Variants in CHD9NB observed in about 807,000 individuals in gnomAD.
CHD9NB encodes CHD9 neighbor protein.
chr16:53,041,926 C>T, the CHD9NB span, among the ~76,000 whole-genome samples: 1 of 152,220 alleles, frequency 6.6e-6, no homozygotes, highest in South Asian at 2.1e-4. Flanking sequence ...TGGGACAGGG[C>T]AGGGCTTTGG....
chr16:53,039,458 A>T, the CHD9NB span, among the ~76,000 whole-genome samples: 7 of 152,326 alleles, frequency 4.6e-5, no homozygotes, highest in East Asian at 1.4e-3. Context: ...TTAAAAGTTC[A>T]AAGAAGGCTG....
At chr16:53,048,112 A>C in the CHD9NB span, among the ~76,000 whole-genome samples, 1 of 152,196 alleles carries the variant, frequency 6.6e-6, no homozygotes, top group Non-Finnish European at 1.5e-5. Context: ...CTGTTTATTA[A>C]GAAAATTTGG....
the CHD9NB span, among the ~76,000 whole-genome samples, chr16:53,038,087 A>C: frequency 6.6e-6 from 1 of 152,176 alleles, no homozygotes; most frequent in East Asian, 1.9e-4. Context: ...GGAGTCTGAA[A>C]ATCCCAGAAC....
At chr16:53,047,135 C>T in the CHD9NB span, 1 of 151,840 alleles carries the variant, frequency 6.6e-6, no homozygotes, top group East Asian at 1.9e-4. Flanking sequence ...ACATAGCAAA[C>T]ATGCACACGC....
At chr16:53,037,169 C>G in the CHD9NB span, among the ~76,000 whole-genome samples, 1 of 152,164 alleles carries the variant, frequency 6.6e-6, no homozygotes, top group Non-Finnish European at 1.5e-5. Context: ...CTCCTGACCT[C>G]ATGATCCACC....
At chr16:53,037,626 G>T in the CHD9NB span, among the ~76,000 whole-genome samples, 2 of 152,234 alleles carry the variant, frequency 1.3e-5, no homozygotes, top group African/African-American at 2.4e-5. Flanking sequence ...GGTTAATGGA[G>T]CTGTAATTTT....
chr16:53,047,066 G>T, the CHD9NB span: 1 of 152,178 alleles, frequency 6.6e-6, no homozygotes, highest in South Asian at 2.1e-4. Flanking sequence ...GACCTCAGTA[G>T]ATCACATTTT....
chr16:53,048,020 G>GAGGGAAGGGA, the CHD9NB span, among the ~76,000 whole-genome samples: 1 of 136,612 alleles, frequency 7.3e-6, no homozygotes, highest in Non-Finnish European at 1.6e-5. Context: ...GGAAGGGAGG[G>GAGGGAAGGGA]AGGGAAGGGA....
At chr16:53,047,987 A>ACT in the CHD9NB span, among the ~76,000 whole-genome samples, 1 of 137,838 alleles carries the variant, frequency 7.3e-6, no homozygotes, top group African/African-American at 2.6e-5. Flanking sequence ...TGACAGAGAC[A>ACT]CTGTCAAAAA....
At chr16:53,040,077 T>C in the CHD9NB span, among the ~76,000 whole-genome samples, 1 of 152,024 alleles carries the variant, frequency 6.6e-6, no homozygotes, top group Non-Finnish European at 1.5e-5. Context: ...TTGATCCCTT[T>C]TTTTTTGGTA....
At chr16:53,047,912 C>T in the CHD9NB span, among the ~76,000 whole-genome samples, 2 of 151,308 alleles carry the variant, frequency 1.3e-5, no homozygotes, top group African/African-American at 4.9e-5. Context: ...GTGGGAGGAT[C>T]ACTTGAGCCT....
the CHD9NB span, chr16:53,044,047 A>G: frequency 2.5e-6 from 1 of 398,812 alleles, no homozygotes; most frequent in Non-Finnish European, 4.4e-6. Context: ...GCATCCTTGC[A>G]GTCTGCTGCC....
chr16:53,050,801 G>A, the CHD9NB span, among the ~76,000 whole-genome samples: 2 of 151,782 alleles, frequency 1.3e-5, no homozygotes, highest in African/African-American at 2.4e-5. Flanking sequence ...CCTTCTCTAC[G>A]CCTTCTGCTG....
At chr16:53,038,453 T>A in the CHD9NB span, among the ~76,000 whole-genome samples, 2,872 of 152,240 alleles carry the variant, frequency 0.019, 96 homozygotes, top group African/African-American at 0.065. Flanking sequence ...TTTCAAGCAA[T>A]TCTCCTGCCT....
At chr16:53,050,741 C>T in the CHD9NB span, among the ~76,000 whole-genome samples, 4 of 152,086 alleles carry the variant, frequency 2.6e-5, no homozygotes, top group Non-Finnish European at 5.9e-5. Flanking sequence ...CCTTCTGGGA[C>T]GGGTACCCAG....
the CHD9NB span, among the ~76,000 whole-genome samples, chr16:53,048,725 G>A: frequency 6.6e-6 from 1 of 152,192 alleles, no homozygotes; most frequent in African/African-American, 2.4e-5. Flanking sequence ...CAGGCCAAGA[G>A]GGCTTGTGTG....
At chr16:53,040,824 G>T in the CHD9NB span, among the ~76,000 whole-genome samples, 10 of 152,346 alleles carry the variant, frequency 6.6e-5, no homozygotes, top group East Asian at 1.2e-3. Flanking sequence ...GGTAAGAGCT[G>T]AATGTATGAA....
At chr16:53,048,446 A>T in the CHD9NB span, among the ~76,000 whole-genome samples, 1 of 152,280 alleles carries the variant, frequency 6.6e-6, no homozygotes, top group Non-Finnish European at 1.5e-5. Context: ...TAAAATAAAA[A>T]TTTTTAAAGA....
At chr16:53,049,093 A>G in the CHD9NB span, among the ~76,000 whole-genome samples, 2 of 152,192 alleles carry the variant, frequency 1.3e-5, no homozygotes, top group Non-Finnish European at 1.5e-5. Context: ...TCCTGGGCTC[A>G]AGAGATCTTC....
Sources: gnomAD v4.1 joint callset for allele counts (sites outside exome capture counted in the v4.1 genomes callset) on GRCh38, gnomAD v4.1.1 for gene constraint, MANE v1.5 for transcripts, NCBI Gene and HGNC (gene_info 2026-07-23, HGNC 2026-07-21) for gene names.